DIS3L2: variants seen among roughly 807,000 people sequenced by gnomAD.
DIS3L2 encodes the protein DIS3 like 3'-5' exoribonuclease 2, also known as DIS3-like exonuclease 2.
DIS3L2 carries 34 observed loss-of-function variants against 97.5 expected under a neutral mutation model. That is an observed-to-expected ratio of 0.35 (90% confidence interval 0.27 to 0.46). DIS3L2 has a LOEUF of 0.46. Ranked by LOEUF, DIS3L2 falls within the 20% of genes least tolerant of loss-of-function variation. DIS3L2 has a pLI of 1.00. For missense variants in DIS3L2, 1,038 were observed against 1,146.0 expected, an observed-to-expected ratio of 0.91 and a Z score of 1.36; for synonymous variants, 435 against 445.2, an observed-to-expected ratio of 0.98 and a Z score of 0.29.
intron 14 of DIS3L2, among the ~76,000 whole-genome samples, chr2:232,314,864 AGT>A (rs1018860588): frequency 1.4e-4 from 21 of 152,248 alleles, no homozygotes; most frequent in African/African-American, 4.6e-4. Context: ...TGTTCTTACC[AGT>A]GACAGAGGGT....
chr2:232,071,851 C>T (rs1239418870), intron 5 of DIS3L2, among the ~76,000 whole-genome samples: 1 of 152,162 alleles, frequency 6.6e-6, no homozygotes, highest in Non-Finnish European at 1.5e-5. Context: ...TAAGTAGTTT[C>T]TCTAGGAAAG....
chr2:232,029,979 G>T lies in DIS3L2; in HGVS notation c.265G>T (p.Asp89Tyr). The change falls in exon 5 of 21, where the codon GAT becomes TAT. Residue 89 changes from aspartate to tyrosine, a missense_variant and splice_region_variant. Coordinates refer to ENST00000325385, the MANE Select transcript of DIS3L2 (RefSeq NM_152383.5). ...KFHEAFIPSP[D>Y]GDRDIFIDGV... ...TGTTTTATTTCTTTTTCCAACCTAG[G>T]ATGGTGATCGAGACATTTTTATTGA... 1.9e-6 allele frequency: 3 copies of T among 1,594,552 alleles called. No individual in the cohort carries two copies. The highest frequency in any genetic ancestry group is 2.6e-6 in the Non-Finnish European group (3 of 1,173,042).
chr2:232,067,978 C>T (rs1453326224), intron 5 of DIS3L2, among the ~76,000 whole-genome samples: 1 of 151,894 alleles, frequency 6.6e-6, no homozygotes, highest in East Asian at 1.9e-4. Flanking sequence ...AAAGATTTAC[C>T]ATAGAGAGGG....
intron 9 of DIS3L2, chr2:232,172,819 G>T: frequency 1.9e-6 from 1 of 526,222 alleles, no homozygotes. Context: ...ATCATTGTAG[G>T]TGTGGGGTAG....
In DIS3L2 at chr2:232,336,699, A is replaced by C. The variant is rs1440617000; in HGVS notation, c.*69A>C. On this transcript the variant is annotated 3_prime_UTR_variant, in exon 21 of 21. Coordinates refer to ENST00000325385, the MANE Select transcript of DIS3L2 (RefSeq NM_152383.5). ...GCCACACTGGCTTTAGGACCTGTTGACACGGAGGGGGGTTTTTAATTTGGT... is the reference window on the plus strand; with the variant it reads ...GCCACACTGGCTTTAGGACCTGTTGCCACGGAGGGGGGTTTTTAATTTGGT... 2.6e-6 allele frequency: 4 copies of C among 1,540,026 alleles called. No individual in the cohort carries two copies. The highest frequency in any genetic ancestry group is 3.5e-6 in the Non-Finnish European group (4 of 1,153,238).
At chr2:232,063,878 A>G (rs1695781302) in intron 5 of DIS3L2, among the ~76,000 whole-genome samples, 1 of 152,154 alleles carries the variant, frequency 6.6e-6, no homozygotes, top group Admixed American at 6.5e-5. Flanking sequence ...TGCTCTGCAC[A>G]TTACAAAATT....
intron 10 of DIS3L2, among the ~76,000 whole-genome samples, chr2:232,232,171 G>A (rs1692810327): frequency 6.6e-6 from 1 of 152,164 alleles, no homozygotes; most frequent in Admixed American, 6.5e-5. Flanking sequence ...TCAGCTTCTT[G>A]TGAAGTGGTG....
chr2:232,220,112 A>AAAAT (rs59785632), intron 10 of DIS3L2, among the ~76,000 whole-genome samples: 2,379 of 139,142 alleles, frequency 0.017, 34 homozygotes, highest in Middle Eastern at 0.043. Flanking sequence ...TCTCTACAGA[A>AAAAT]AAATAAATAA....
At chr2:232,073,735 T>C (rs1433381551) in intron 5 of DIS3L2, among the ~76,000 whole-genome samples, 2 of 152,190 alleles carry the variant, frequency 1.3e-5, no homozygotes, top group Non-Finnish European at 2.9e-5. Flanking sequence ...ACAGGGACTT[T>C]TTCTGTTTGC....
At chr2:232,245,296 A>G (rs2106259858) in intron 11 of DIS3L2, among the ~76,000 whole-genome samples, 2 of 152,314 alleles carry the variant, frequency 1.3e-5, no homozygotes, top group South Asian at 4.1e-4. Context: ...GCCATGGTCC[A>G]GGTGGGTCTC....
chr2:232,337,367 G>A (rs977314994), downstream of DIS3L2, among the ~76,000 whole-genome samples: 1 of 152,130 alleles, frequency 6.6e-6, no homozygotes, highest in African/African-American at 2.4e-5. Context: ...GAGGTCCTGT[G>A]CCCAGCTCTG....
At chr2:231,980,926 C>T (rs529884085) in intron 1 of DIS3L2, among the ~76,000 whole-genome samples, 3 of 152,152 alleles carry the variant, frequency 2.0e-5, no homozygotes, top group South Asian at 2.1e-4. Context: ...TGTGCCACCA[C>T]GCCTGGCTAA....
rs747928864 is a variant in DIS3L2, at chr2:232,334,591, A to G, written c.2290-40A>G. 3.7e-6 allele frequency: 6 copies of G among 1,601,226 alleles called. No homozygotes were observed. In the African/African-American group the frequency reaches 8.1e-5, roughly 21 times the overall value. ...CAGGAGGCCTCGAGGAGCCCAGGGC[A>G]GTGCCAGGAGGTGCCATGGCTGCAG... On this transcript the variant is annotated intron_variant, in intron 18 of 20. Transcript: ENST00000325385.
intron 1 of DIS3L2, among the ~76,000 whole-genome samples, chr2:231,969,589 G>A (rs1034940213): frequency 6.6e-6 from 1 of 152,170 alleles, no homozygotes; most frequent in African/African-American, 2.4e-5. Flanking sequence ...GGGATTACAG[G>A]CGTGAACCAC....
At chr2:232,040,269 T>C (rs767275129) in intron 5 of DIS3L2, among the ~76,000 whole-genome samples, 2 of 152,136 alleles carry the variant, frequency 1.3e-5, no homozygotes, top group Non-Finnish European at 2.9e-5. Context: ...GGATCAAAGC[T>C]TTCTCTTCCT....
chr2:232,098,141 C>A (rs1697081415), intron 6 of DIS3L2, among the ~76,000 whole-genome samples: 1 of 152,090 alleles, frequency 6.6e-6, no homozygotes, highest in African/African-American at 2.4e-5. Context: ...TGTTCTAAGA[C>A]CCAAATCCTA....
In DIS3L2 at chr2:232,293,560, G is replaced by C. The variant is rs1358128232; in HGVS notation, c.1660-6480G>C. On this transcript the variant is annotated intron_variant, in intron 13 of 20. Coordinates refer to ENST00000325385, the MANE Select transcript of DIS3L2 (RefSeq NM_152383.5). This position sits in a 1 kb window ranked among gnomAD's most constrained non-coding sequence, Gnocchi z 4.6. The stretch of plus-strand genomic sequence containing the variant: ...CCTGGTCTGCTCTGAACCCCTCAGG[G>C]AAGTGGACCGCGTCGGGGAGTGCAT... Among the ~76,000 whole-genome samples, 1 of 152,210 alleles carries C rather than the reference G, an allele frequency of 6.6e-6. No individual in the cohort carries two copies. Among genetic ancestry groups the C allele is most frequent in the Non-Finnish European group, 1.5e-5 (1 of 68,042 alleles).
intron 7 of DIS3L2, among the ~76,000 whole-genome samples, chr2:232,134,293 T>C (rs575709497): frequency 2.3e-4 from 35 of 152,210 alleles, no homozygotes; most frequent in African/African-American, 7.9e-4. Context: ...TGGGGACAGG[T>C]GAAAATATAT....
chr2:232,222,410 G>A (rs1365022988), intron 10 of DIS3L2, among the ~76,000 whole-genome samples: 1 of 152,158 alleles, frequency 6.6e-6, no homozygotes, highest in African/African-American at 2.4e-5. Context: ...GGGAAATTCT[G>A]TAGATCTGTC....
Sources: allele counts gnomAD v4.1 joint callset (sites outside exome capture counted in the v4.1 genomes callset), GRCh38; gene constraint gnomAD v4.1.1; non-coding constraint Gnocchi (gnomAD v3.1); transcripts MANE v1.5; gene names NCBI Gene and HGNC (gene_info 2026-07-23, HGNC 2026-07-21).